Variants in GAS7 observed in about 807,000 individuals in gnomAD.
GAS7 encodes the protein growth arrest-specific protein 7.
A neutral mutation model predicts 71.1 loss-of-function variants in GAS7; 28 were observed. The ratio of observed to expected loss-of-function variants is 0.39; its 90% CI spans 0.29 to 0.54. The LOEUF (loss-of-function observed/expected upper bound fraction) is 0.54, where lower values mean the gene tolerates loss of function less well. Ranked by LOEUF, GAS7 falls within the 20% of genes least tolerant of loss-of-function variation. The probability of loss-of-function intolerance (pLI) is 0.62; values close to 1 mark genes in which losing one functional copy is unlikely to be tolerated. For synonymous variants in GAS7, 258 were observed against 245.8 expected (o/e 1.05, Z -0.46); for missense variants, 436 against 627.8 (o/e 0.69, Z 3.27).
intron 8 of GAS7, among the ~76,000 whole-genome samples, chr17:9,937,106 T>C (rs2068427747): frequency 6.6e-6 from 1 of 152,252 alleles, no homozygotes. Flanking sequence ...TGTGTTCATG[T>C]TCCAGTGCCT....
chr17:9,921,537 A>G (rs1285128102), intron 11 of GAS7, among the ~76,000 whole-genome samples: 2 of 152,216 alleles, frequency 1.3e-5, no homozygotes, highest in Non-Finnish European at 2.9e-5. Context: ...AAATTGCTTC[A>G]GGAACTTCCA....
At chr17:9,960,758 T>A (rs750671656) in intron 4 of GAS7, among the ~76,000 whole-genome samples, 3 of 152,236 alleles carry the variant, frequency 2.0e-5, no homozygotes, top group Non-Finnish European at 4.4e-5. Context: ...CTTACTCCCA[T>A]ACAGTCTTAC....
At chr17:10,104,314 C>T (rs2073737363) in intron 1 of GAS7, among the ~76,000 whole-genome samples, 1 of 152,284 alleles carries the variant, frequency 6.6e-6, no homozygotes, top group African/African-American at 2.4e-5. Flanking sequence ...CTGCTCTGGG[C>T]TCCCATGACA....
intron 1 of GAS7, among the ~76,000 whole-genome samples, chr17:10,163,452 AAAAG>A (rs1260480633): frequency 6.6e-6 from 1 of 152,160 alleles, no homozygotes; most frequent in Non-Finnish European, 1.5e-5. Flanking sequence ...AAAAAAAAAA[AAAAG>A]AAAGGGAAAC....
intron 13 of GAS7, 104 bp downstream of exon 13, chr17:9,917,897 G>A (rs1007520912): frequency 1.9e-5 from 15 of 780,938 alleles, no homozygotes; most frequent in South Asian, 1.5e-4. Context: ...CCGCCTTTAG[G>A]GCAGATTCAC....
chr17:10,041,174 A>G (rs548503157), intron 1 of GAS7, among the ~76,000 whole-genome samples: 41 of 151,132 alleles, frequency 2.7e-4, no homozygotes, highest in East Asian at 7.7e-4. Flanking sequence ...AAAAAAAAAA[A>G]AAGAAGAAGG....
At position 10,019,883 on chromosome 17, in the gene GAS7, G is replaced by T. The variant is rs1367397715; in HGVS notation, c.198C>A (p.Val66=). The change falls in exon 2 of 14, where the codon GTC becomes GTA. Residue 66 remains valine, a synonymous_variant. Transcript: ENST00000432992. ...GGCTTTCTTCTCCCGGCGGAGGGGG[G>T]ACCATTCCAGGCTTCTGTTGGAGAA... ...YVQLLEKPGM[V]PPPPGEESQT... 6 of 1,613,690 alleles carry T rather than the reference G, an allele frequency of 3.7e-6. No individual in the cohort carries two copies. The East Asian group carries it at 8.9e-5, about 24-fold the overall frequency.
intron 1 of GAS7, among the ~76,000 whole-genome samples, chr17:10,188,349 ATTGAGG>A (rs1332822485): frequency 6.6e-6 from 1 of 152,120 alleles, no homozygotes; most frequent in Non-Finnish European, 1.5e-5. Flanking sequence ...TCTGGTGTAC[ATTGAGG>A]TTGTTGTTCA....
chr17:9,959,894 G>A lies in GAS7; in HGVS notation c.472-639C>T, dbSNP rs761995192. On this transcript the variant is annotated intron_variant, in intron 4 of 13. Transcript: ENST00000432992. The surrounding 1 kb of genome is among the most constrained non-coding windows in gnomAD (Gnocchi z 5.0). ...AAACCAGAGTCCCAAGTACCTCTGA[G>A]CCTGGGGTCCTCAGCAGTTTGCCAA... is the stretch of plus-strand genomic sequence containing the variant. Among the ~76,000 whole-genome samples the A allele has an allele frequency of 6.6e-6, 1 of 152,182 alleles. No individual in the cohort carries two copies. Among genetic ancestry groups the A allele is most frequent in the Non-Finnish European group, 1.5e-5 (1 of 68,032 alleles).
chr17:9,915,183 A>C lies in GAS7; in HGVS notation c.*2045T>G, dbSNP rs2067550099. The C allele has an allele frequency of 4.3e-6, 1 of 231,234 alleles. No individual in the cohort carries two copies. Among genetic ancestry groups the C allele is most frequent in the East Asian group, 6.1e-5 (1 of 16,370 alleles). The allele number at this position is 231,234 out of a possible 1,614,324, so 14.3% of individuals were successfully genotyped here. ...TACCCTGGAAGACGCAAGAGGGCTCACTCTATCCCAGGGATGAACAGAGGA... is the reference window on the plus strand; with the variant it reads ...TACCCTGGAAGACGCAAGAGGGCTCCCTCTATCCCAGGGATGAACAGAGGA... On this transcript the variant is annotated 3_prime_UTR_variant, in exon 14 of 14. Transcript: ENST00000432992.
intron 1 of GAS7, among the ~76,000 whole-genome samples, chr17:10,194,704 T>C (rs2074527514): frequency 6.6e-6 from 1 of 152,068 alleles, no homozygotes; most frequent in Non-Finnish European, 1.5e-5. Flanking sequence ...CCGGGCACAG[T>C]GGCTCACGCC....
At chr17:9,945,326 G>A in intron 6 of GAS7, among the ~76,000 whole-genome samples, 1 of 142,676 alleles carries the variant, frequency 7.0e-6, no homozygotes, top group East Asian at 2.2e-4. Flanking sequence ...ACATCATATT[G>A]CTGCTTAAGA....
intron 1 of GAS7, among the ~76,000 whole-genome samples, chr17:10,078,974 A>G (rs1274247384): frequency 6.6e-6 from 1 of 152,176 alleles, no homozygotes; most frequent in Non-Finnish European, 1.5e-5. Context: ...AGATCGCTTG[A>G]GCAGAGAAAG....
At chr17:10,035,957 C>T (rs78903409) in intron 1 of GAS7, among the ~76,000 whole-genome samples, 2,500 of 152,274 alleles carry the variant, frequency 0.016, 67 homozygotes, top group East Asian at 0.11. Context: ...CCTTACAATG[C>T]CCCAGCTAGA....
intron 1 of GAS7, among the ~76,000 whole-genome samples, chr17:10,068,160 C>A (rs73273807): frequency 0.019 from 2,849 of 152,304 alleles, 81 homozygotes; most frequent in African/African-American, 0.064. Context: ...AGTGACATCA[C>A]ACAGCACCCC....
At chr17:10,024,425 A>G (rs2072388379) in intron 1 of GAS7, among the ~76,000 whole-genome samples, 1 of 152,006 alleles carries the variant, frequency 6.6e-6, no homozygotes, top group African/African-American at 2.4e-5. Context: ...TTCTGTCAGC[A>G]CTTTCCCGTG....
In GAS7 at chr17:9,981,184, C is replaced by G. The variant is rs929051395; in HGVS notation, c.385+620G>C. 1.3e-5 allele frequency among the ~76,000 whole-genome samples: 2 copies of G among 150,996 alleles called. No individual in the cohort carries two copies. The highest frequency in any genetic ancestry group is 3.0e-5 in the Non-Finnish European group (2 of 67,636). On this transcript the variant is annotated intron_variant, in intron 3 of 13. Transcript: ENST00000432992. This position sits in a 1 kb window ranked among gnomAD's most constrained non-coding sequence, Gnocchi z 4.4. ...GTGCGCACCTGCAATCGCAGCTACT[C>G]GGGAGGCTGGGGAACAAGAATCCAT...
chr17:10,085,691 C>CAA (rs1194345705), intron 1 of GAS7, among the ~76,000 whole-genome samples: 1,491 of 57,702 alleles, frequency 0.026, 47 homozygotes, highest in Non-Finnish European at 0.032. Flanking sequence ...GATTCCGTCT[C>CAA]AAAAAAAAAA....
chr17:10,063,444 T>C (rs1291095429), intron 1 of GAS7, among the ~76,000 whole-genome samples: 1 of 152,216 alleles, frequency 6.6e-6, no homozygotes, highest in Non-Finnish European at 1.5e-5. Flanking sequence ...CTGCCAAAGC[T>C]ACCATCTCTG....
Sources: allele counts gnomAD v4.1 joint callset (sites outside exome capture counted in the v4.1 genomes callset), GRCh38; gene constraint gnomAD v4.1.1; non-coding constraint Gnocchi (gnomAD v3.1); transcripts MANE v1.5; gene names NCBI Gene and HGNC (gene_info 2026-07-23, HGNC 2026-07-21).